Variants in TOMM34 observed in about 807,000 individuals in gnomAD.
TOMM34 encodes translocase of outer mitochondrial membrane 34.
In TOMM34, 24 loss-of-function variants were observed where a neutral mutation model predicts 37.4. The observed-to-expected ratio is 0.64, with a 90% CI of 0.46 to 0.90. The LOEUF (loss-of-function observed/expected upper bound fraction) is 0.90, where lower values mean the gene tolerates loss of function less well. Among genes scored for constraint, TOMM34 ranks in the 40% least tolerant of loss-of-function variants. The pLI, the probability that TOMM34 is intolerant of heterozygous loss-of-function variation, is 0.00. For missense variants in TOMM34, 304 were observed against 375.6 expected, an observed-to-expected ratio of 0.81 and a Z score of 1.58; for synonymous variants, 154 against 148.9, an observed-to-expected ratio of 1.03 and a Z score of -0.25.
At chr20:44,952,512 G>C in intron 3 of TOMM34, 1 of 694,386 alleles carries the variant, frequency 1.4e-6, no homozygotes, top group Non-Finnish European at 2.7e-6. Context: ...CCTTCACTGT[G>C]AGCCACATTC....
Position 44,959,307 on chromosome 20 carries a change from G to A in TOMM34, c.127+900C>T, listed in dbSNP as rs2067104829. ...AAAAGTCAAGGCTTTAACCAATGAGGGTTTCTGATTAAGTCACCCTGGAGA... is the reference window on the plus strand; with the variant it reads ...AAAAGTCAAGGCTTTAACCAATGAGAGTTTCTGATTAAGTCACCCTGGAGA... On this transcript the variant is annotated intron_variant, in intron 1 of 6. Coordinates refer to ENST00000372813, the MANE Select transcript of TOMM34 (RefSeq NM_006809.5). Among the ~76,000 whole-genome samples the A allele has an allele frequency of 1.3e-5, 2 of 152,162 alleles. 1 individual carries two copies. The highest frequency in any genetic ancestry group is 1.3e-4 in the Admixed American group (2 of 15,268).
At chr20:44,950,121 C>G (rs1235889005) in intron 4 of TOMM34, among the ~76,000 whole-genome samples, 1 of 152,206 alleles carries the variant, frequency 6.6e-6, no homozygotes, top group African/African-American at 2.4e-5. Context: ...TGCACATGCA[C>G]ACAGGTTTCT....
chr20:44,949,542 TG>T (rs1209999555), intron 4 of TOMM34, among the ~76,000 whole-genome samples: 11 of 152,182 alleles, frequency 7.2e-5, no homozygotes, highest in African/African-American at 2.7e-4. Flanking sequence ...CTGCTCAACT[TG>T]GTGTTCAGGC....
At chr20:44,949,021 G>T in intron 4 of TOMM34, 144 bp from the exon 5 acceptor site, 1 of 1,080,094 alleles carries the variant, frequency 9.3e-7, no homozygotes, top group Non-Finnish European at 1.3e-6. Context: ...CATCCTTCCT[G>T]ATTAATGACT....
At chr20:44,948,018 G>T (rs1018374825) in intron 5 of TOMM34, among the ~76,000 whole-genome samples, 1 of 152,202 alleles carries the variant, frequency 6.6e-6, no homozygotes, top group Non-Finnish European at 1.5e-5. Flanking sequence ...AGATCTTGTT[G>T]AAGTCAGATT....
At chr20:44,943,882 C>T (rs1227859888) in intron 5 of TOMM34, among the ~76,000 whole-genome samples, 1 of 152,118 alleles carries the variant, frequency 6.6e-6, no homozygotes, top group Non-Finnish European at 1.5e-5. Context: ...TCATGCTGTA[C>T]TGCGCTCTCC....
Position 44,957,177 on chromosome 20 carries a change from C to A in TOMM34, c.128-692G>T, listed in dbSNP as rs6017450. ...AGGCTCAAGTCCTTCACTGTGGCCA[C>A]CATGATCTTTATTTACGTATTTTTT... On this transcript the variant is annotated intron_variant, in intron 1 of 6. Coordinates refer to ENST00000372813, the MANE Select transcript of TOMM34 (RefSeq NM_006809.5). 8.4e-3 allele frequency among the ~76,000 whole-genome samples: 1,282 copies of A among 152,228 alleles called. 23 individuals are homozygous for A. Among genetic ancestry groups the A allele is most frequent in the African/African-American group, 0.03 (1,244 of 41,530 alleles).
Position 44,956,485 on chromosome 20 carries a change from C to A in TOMM34, c.128G>T (p.Gly43Val). The A allele has an allele frequency of 6.2e-7, 1 of 1,614,098 alleles. No homozygotes were observed. The highest frequency in any genetic ancestry group is 1.6e-4 in the Middle Eastern group (1 of 6,062). ...GRALRVLQAQ[G>V]SSDPEEESVL... is the part of the protein sequence containing the mutation. ...ACTTTCTTCTTCTGGGTCTGAAGAA[C>A]CTGCCCAGATAGAGTGGGGAAGATG... The change falls in exon 2 of 7, where the codon GGT (glycine) becomes GTT (valine). Residue 43 changes from glycine to valine, a missense_variant and splice_region_variant. Gly to Val is a moderately radical substitution (Grantham distance 109). Transcript: ENST00000372813.
chr20:44,942,996 G>T lies in TOMM34; in HGVS notation c.*113C>A. 1 of 937,478 alleles carries T rather than the reference G, an allele frequency of 1.1e-6. No homozygotes were observed. Among genetic ancestry groups the T allele is most frequent in the East Asian group, 2.5e-5 (1 of 40,418 alleles). 58.1% of individuals were successfully genotyped at this position (937,478 alleles called of 1,614,324 possible). A position where few individuals can be genotyped will look rare whatever the true frequency, so the allele number is the denominator to read the frequency against. ...GGAGGCCATCAAGGGATTGAGGAGG[G>T]GGCTTCAGAGCTCACTTGGGGCATG... On this transcript the variant is annotated 3_prime_UTR_variant, in exon 7 of 7. Coordinates refer to ENST00000372813, the MANE Select transcript of TOMM34 (RefSeq NM_006809.5).
intron 1 of TOMM34, 72 bp downstream of exon 1, chr20:44,960,135 C>A: frequency 5.4e-6 from 8 of 1,488,446 alleles, no homozygotes; most frequent in Non-Finnish European, 5.4e-6. Flanking sequence ...CTGGCCGCCG[C>A]GCGAGGCCCG....
intron 5 of TOMM34, among the ~76,000 whole-genome samples, chr20:44,945,646 G>A (rs910849192): frequency 6.6e-6 from 1 of 152,212 alleles, no homozygotes; most frequent in Non-Finnish European, 1.5e-5. Context: ...CCAGCCATTT[G>A]AGTCAGGCAG....
chr20:44,945,855 A>C (rs2145594403), intron 5 of TOMM34, among the ~76,000 whole-genome samples: 1 of 152,236 alleles, frequency 6.6e-6, no homozygotes, highest in African/African-American at 2.4e-5. Context: ...TTGAACACAG[A>C]AGAATTCCTT....
At position 44,943,222 on chromosome 20, in the gene TOMM34, A is replaced by C. The variant is rs2066950560; in HGVS notation, c.826-9T>G. The stretch of plus-strand genomic sequence containing the variant: ...AAGCTGGATTTATAGTCCTAATAGA[A>C]GAAAAGACAGGAGTGTGGGGGAAGG... On this transcript the variant is annotated splice_polypyrimidine_tract_variant and intron_variant, in intron 6 of 6. Coordinates refer to ENST00000372813, the MANE Select transcript of TOMM34 (RefSeq NM_006809.5). 1 of 1,613,992 alleles carries C rather than the reference A, an allele frequency of 6.2e-7. No individual in the cohort carries two copies. The highest frequency in any genetic ancestry group is 8.5e-7 in the Non-Finnish European group (1 of 1,179,910).
At position 44,955,204 on chromosome 20, in the gene TOMM34, G is replaced by C. The variant is rs755369365; in HGVS notation, c.244C>G (p.Pro82Ala). The change falls in exon 3 of 7, where the codon CCC becomes GCC. Residue 82 changes from proline to alanine, a missense_variant. Pro to Ala is a conservative substitution (Grantham distance 27, BLOSUM62 -1). Transcript: ENST00000372813. ...KDCTSALALV[P>A]FSIKPLLRRA... ...CGCAGCAGGGGCTTAATGCTGAAGGGAACCAAGGCCAGTGCTCTAGAATAG... is the reference window on the plus strand; with the variant it reads ...CGCAGCAGGGGCTTAATGCTGAAGGCAACCAAGGCCAGTGCTCTAGAATAG... The C allele has an allele frequency of 1.2e-6, 2 of 1,614,098 alleles. No individual in the cohort carries two copies. The highest frequency in any genetic ancestry group is 3.3e-5 in the Admixed American group (2 of 60,002).
intron 1 of TOMM34, among the ~76,000 whole-genome samples, chr20:44,957,478 A>G (rs992585778): frequency 6.6e-6 from 1 of 152,080 alleles, no homozygotes; most frequent in East Asian, 1.9e-4. Context: ...CCAACCAACA[A>G]TGATCTTTAT....
chr20:44,960,130 C>T, intron 1 of TOMM34, 77 bp downstream of exon 1: 2 of 1,482,864 alleles, frequency 1.3e-6, no homozygotes, highest in East Asian at 2.7e-5. Context: ...GACTGCTGGC[C>T]GCCGCGCGAG....
rs2234198 is a variant in TOMM34 at position 44,960,367 on chromosome 20, C to A, written c.-34G>T. 1 of 1,525,230 alleles carries A rather than the reference C, an allele frequency of 6.6e-7. No individual in the cohort carries two copies. The highest frequency in any genetic ancestry group is 8.8e-7 in the Non-Finnish European group (1 of 1,132,584). 94.5% of individuals were successfully genotyped at this position (1,525,230 alleles called of 1,614,324 possible). ...CAGGCCGGCGAGTTGGGAGCTCCTT[C>A]CTTCCTCCCCCGTGTGGTGCGGCAC... is the stretch of plus-strand genomic sequence containing the variant. On this transcript the variant is annotated 5_prime_UTR_variant, in exon 1 of 7. Transcript: ENST00000372813.
chr20:44,956,873 G>GAAAA (rs201381449), intron 1 of TOMM34, among the ~76,000 whole-genome samples: 3 of 54,454 alleles, frequency 5.5e-5, no homozygotes, highest in East Asian at 4.8e-4. Flanking sequence ...AAGAAAGAAA[G>GAAAA]AAAAAAAAAA....
Position 44,956,319 on chromosome 20 carries a change from A to C in TOMM34, c.227+67T>G. ...ATGGGATCCTTCCAAAGAAGAAACA[A>C]GCCAGATTAACCCAGCCTCCTCTTC... On this transcript the variant is annotated intron_variant, in intron 2 of 6. Transcript: ENST00000372813. 4 of 1,464,586 alleles carry C rather than the reference A, an allele frequency of 2.7e-6. No homozygotes were observed. In the South Asian group the frequency reaches 4.6e-5, roughly 17 times the overall value. 90.7% of individuals were successfully genotyped at this position (1,464,586 alleles called of 1,614,324 possible). A position where few individuals can be genotyped will look rare whatever the true frequency, so the allele number is the denominator to read the frequency against.
Sources: gnomAD v4.1 joint callset for allele counts (sites outside exome capture counted in the v4.1 genomes callset) on GRCh38, gnomAD v4.1.1 for gene constraint, MANE v1.5 for transcripts, NCBI Gene and HGNC (gene_info 2026-07-23, HGNC 2026-07-21) for gene names.